Variants in LGSN observed in about 807,000 individuals in gnomAD.
LGSN encodes the protein lengsin.
Under a neutral mutation model 19.5 loss-of-function variants are expected in LGSN, and 21 were observed. The observed-to-expected ratio is 1.07, with a 90% CI of 0.76 to 1.55. The LOEUF (loss-of-function observed/expected upper bound fraction) is 1.55. Among genes scored for constraint, LGSN ranks in the 40% most tolerant of loss-of-function variants. The pLI is 0.00. For missense variants in LGSN, 673 were observed against 608.5 expected, an observed-to-expected ratio of 1.11 and a Z score of -1.12; for synonymous variants, 257 against 215.6, an observed-to-expected ratio of 1.19 and a Z score of -1.68.
chr6:63,568,626 C>T, the LGSN span, among the ~76,000 whole-genome samples: 1 of 150,668 alleles, frequency 6.6e-6, no homozygotes, highest in East Asian at 1.9e-4. Context: ...TAGACTTGCT[C>T]GACAAAAAGC....
chr6:63,365,145 G>C, the LGSN span, among the ~76,000 whole-genome samples: 1 of 152,114 alleles, frequency 6.6e-6, no homozygotes, highest in Non-Finnish European at 1.5e-5. Context: ...ATGAATCCAG[G>C]AGCTGGTTTT....
At chr6:63,513,265 C>A in the LGSN span, among the ~76,000 whole-genome samples, 3 of 152,182 alleles carry the variant, frequency 2.0e-5, no homozygotes, top group African/African-American at 7.2e-5. Context: ...GATTTAAAAA[C>A]CTCCAGAAGC....
chr6:63,324,204 T>G (rs1399681311), upstream of LGSN, among the ~76,000 whole-genome samples: 2 of 152,218 alleles, frequency 1.3e-5, no homozygotes, highest in Non-Finnish European at 2.9e-5. Flanking sequence ...CCTCACAGTC[T>G]CCTCAAAGGT....
chr6:63,442,625 C>T, the LGSN span, among the ~76,000 whole-genome samples: 11 of 151,698 alleles, frequency 7.3e-5, no homozygotes, highest in Non-Finnish European at 1.2e-4. Flanking sequence ...CTGACTGGTA[C>T]GTTTACAAAC....
intron 1 of LGSN, among the ~76,000 whole-genome samples, chr6:63,307,404 C>A (rs1768433888): frequency 6.6e-6 from 1 of 152,202 alleles, no homozygotes; most frequent in Non-Finnish European, 1.5e-5. Flanking sequence ...TCCTCCCAAC[C>A]ATTGCTGGGG....
At chr6:63,290,464 T>C (rs1312670932) in intron 2 of LGSN, among the ~76,000 whole-genome samples, 1 of 152,246 alleles carries the variant, frequency 6.6e-6, no homozygotes, top group African/African-American at 2.4e-5. Flanking sequence ...GTTATCTGAT[T>C]AGTCTTCCCA....
chr6:63,482,516 A>T, the LGSN span, among the ~76,000 whole-genome samples: 1 of 152,098 alleles, frequency 6.6e-6, no homozygotes, highest in Non-Finnish European at 1.5e-5. Flanking sequence ...ATTGCTTCAG[A>T]CCAAGAGTTT....
the LGSN span, among the ~76,000 whole-genome samples, chr6:63,498,028 C>A: frequency 2.0e-4 from 29 of 148,682 alleles, no homozygotes; most frequent in Admixed American, 1.6e-3. Context: ...AAGCGATTCT[C>A]TTGCCTCAGC....
chr6:63,475,371 C>G, the LGSN span, among the ~76,000 whole-genome samples: 7 of 150,860 alleles, frequency 4.6e-5, no homozygotes, highest in African/African-American at 1.7e-4. Flanking sequence ...CCATAGAGAC[C>G]CAACATACTT....
the LGSN span, among the ~76,000 whole-genome samples, chr6:63,507,501 A>G: frequency 9.9e-5 from 15 of 152,178 alleles, no homozygotes; most frequent in Non-Finnish European, 2.2e-4. Flanking sequence ...GTATCTGATA[A>G]CATCCTGATG....
chr6:63,327,189 G>A, the LGSN span, among the ~76,000 whole-genome samples: 3 of 152,222 alleles, frequency 2.0e-5, no homozygotes, highest in Non-Finnish European at 4.4e-5. Context: ...GGGGTCCTCA[G>A]TAGAAGTTGT....
the LGSN span, among the ~76,000 whole-genome samples, chr6:63,514,623 C>A: frequency 6.6e-6 from 1 of 152,238 alleles, no homozygotes; most frequent in South Asian, 2.1e-4. Context: ...AGCAAACCCT[C>A]AAATCATTAA....
chr6:63,361,433 G>A, the LGSN span, among the ~76,000 whole-genome samples: 21 of 152,296 alleles, frequency 1.4e-4, no homozygotes, highest in South Asian at 2.9e-3. Context: ...GCAAGGCTCC[G>A]TGGGTGTAGG....
Position 63,279,887 on chromosome 6 carries a change from A to C in LGSN, c.*134T>G, listed in dbSNP as rs79900249. The C allele has an allele frequency of 1.7e-6, 1 of 585,846 alleles. No homozygotes were observed. Among genetic ancestry groups the C allele is most frequent in the African/African-American group, 2.0e-5 (1 of 49,732 alleles). 36.3% of individuals were successfully genotyped at this position (585,846 alleles called of 1,614,324 possible). On this transcript the variant is annotated 3_prime_UTR_variant, in exon 4 of 4. Transcript: ENST00000370657. Reference sequence around the variant, plus strand: ...TTCATCTGTCAAATATTCCATGGACAAAAAAAAAAGTCAAAAGCATTCGTA... The same window carrying C: ...TTCATCTGTCAAATATTCCATGGACCAAAAAAAAAGTCAAAAGCATTCGTA...
At chr6:63,510,957 G>A in the LGSN span, among the ~76,000 whole-genome samples, 6 of 152,100 alleles carry the variant, frequency 3.9e-5, no homozygotes, top group Non-Finnish European at 8.8e-5. Context: ...TTACAGGCAT[G>A]AGCCACCGCT....
At chr6:63,307,576 C>G (rs940386482) in intron 1 of LGSN, among the ~76,000 whole-genome samples, 6 of 152,188 alleles carry the variant, frequency 3.9e-5, no homozygotes, top group Non-Finnish European at 8.8e-5. Context: ...CTCTTGTTAG[C>G]CACTGTTTAC....
At chr6:63,303,535 A>G (rs771786319) in intron 1 of LGSN, among the ~76,000 whole-genome samples, 6 of 152,250 alleles carry the variant, frequency 3.9e-5, no homozygotes, top group Non-Finnish European at 8.8e-5. Flanking sequence ...TCCTCTTCCA[A>G]TCAAAACATG....
At chr6:63,543,078 C>T in the LGSN span, among the ~76,000 whole-genome samples, 1 of 152,274 alleles carries the variant, frequency 6.6e-6, no homozygotes, top group South Asian at 2.1e-4. Context: ...CCCCACTGCA[C>T]CTTCTCCTGG....
chr6:63,362,770 G>A, the LGSN span, among the ~76,000 whole-genome samples: 1 of 152,222 alleles, frequency 6.6e-6, no homozygotes, highest in Admixed American at 6.5e-5. Flanking sequence ...ACCTCTGGGG[G>A]CAGGGCATAG....
Sources: gnomAD v4.1 joint callset for allele counts (sites outside exome capture counted in the v4.1 genomes callset) on GRCh38, gnomAD v4.1.1 for gene constraint, MANE v1.5 for transcripts, NCBI Gene and HGNC (gene_info 2026-07-23, HGNC 2026-07-21) for gene names.